RSF1: variants seen among roughly 807,000 people sequenced by gnomAD.
RSF1 encodes the protein HBV pX-associated protein 8.
RSF1 carries 13 observed loss-of-function variants against 145.2 expected under a neutral mutation model. The observed-to-expected ratio is 0.09, with a 90% confidence interval of 0.06 to 0.14. RSF1 has a LOEUF of 0.14. Among genes scored for constraint, RSF1 ranks in the 10% least tolerant of loss-of-function variants. The pLI is 1.00. For synonymous variants in RSF1, 577 were observed against 592.6 expected (o/e 0.97, Z 0.38); for missense variants, 1,517 against 1,718.2 (o/e 0.88, Z 2.07).
At chr11:77,744,079 A>G (rs1277474257) in intron 3 of RSF1, among the ~76,000 whole-genome samples, 1 of 152,158 alleles carries the variant, frequency 6.6e-6, no homozygotes, top group Non-Finnish European at 1.5e-5. Context: ...CCCAGGCTAG[A>G]GTGCAGTGGT....
At chr11:77,786,835 T>C (rs1017404554) in intron 1 of RSF1, among the ~76,000 whole-genome samples, 3 of 152,106 alleles carry the variant, frequency 2.0e-5, no homozygotes, top group South Asian at 4.1e-4. Context: ...TATATGAAAC[T>C]AGACACTCAA....
At chr11:77,715,266 A>T (rs1036844395) in intron 5 of RSF1, among the ~76,000 whole-genome samples, 1 of 152,154 alleles carries the variant, frequency 6.6e-6, no homozygotes, top group Non-Finnish European at 1.5e-5. Context: ...ACGTCAATGT[A>T]TTTCCTGTCA....
At chr11:77,830,627 C>T in the RSF1 span, among the ~76,000 whole-genome samples, 89 of 152,120 alleles carry the variant, frequency 5.9e-4, no homozygotes, top group African/African-American at 2.0e-3. Context: ...TTTATTCCCG[C>T]GTTTGCCCCC....
At chr11:77,796,258 TCAATA>T (rs1371885010) in intron 1 of RSF1, among the ~76,000 whole-genome samples, 1 of 152,160 alleles carries the variant, frequency 6.6e-6, no homozygotes, top group Admixed American at 6.5e-5. Context: ...GTGAAAATCC[TCAATA>T]CAATATTGGC....
chr11:77,755,922 C>T (rs948924303), intron 2 of RSF1, among the ~76,000 whole-genome samples: 1 of 152,062 alleles, frequency 6.6e-6, no homozygotes, highest in Non-Finnish European at 1.5e-5. Context: ...ATATTCATAT[C>T]CCTTGACAAA....
At chr11:77,747,802 G>C (rs1948017530) in intron 2 of RSF1, among the ~76,000 whole-genome samples, 1 of 152,182 alleles carries the variant, frequency 6.6e-6, no homozygotes, top group Non-Finnish European at 1.5e-5. Context: ...AAGCCAGTAA[G>C]GGAGGTTAAC....
At chr11:77,869,359 A>AC in the RSF1 span, among the ~76,000 whole-genome samples, 1 of 128,714 alleles carries the variant, frequency 7.8e-6, no homozygotes, top group African/African-American at 3.1e-5. Flanking sequence ...GTTGCCCAGG[A>AC]TGGAGTGCAG....
chr11:77,779,623 C>G lies in RSF1; in HGVS notation c.188-14934G>C, dbSNP rs570471505. On this transcript the variant is annotated intron_variant, in intron 1 of 15. Coordinates refer to ENST00000308488, the MANE Select transcript of RSF1 (RefSeq NM_016578.4). Reference sequence around the variant, plus strand: ...TCTCGAACTCTTGACCTCAGGTGATCTGCCCACCTCAGCCTGGGATTACAG... The same window carrying G: ...TCTCGAACTCTTGACCTCAGGTGATGTGCCCACCTCAGCCTGGGATTACAG... Among the ~76,000 whole-genome samples, 23 of 152,260 alleles carry G rather than the reference C, an allele frequency of 1.5e-4. No individual in the cohort carries two copies. In the South Asian group the frequency reaches 4.8e-3, roughly 32 times the overall value.
rs922221738 is a variant in RSF1, at chr11:77,665,214, A to C, written c.*1703T>G. On this transcript the variant is annotated 3_prime_UTR_variant, in exon 16 of 16. Transcript: ENST00000308488. The stretch of plus-strand genomic sequence containing the variant: ...AATCTAATGCCAGCTTTTTAGTAAT[A>C]AAAAAGAGAAGTGCTTTACTATACA... 7 of 152,320 alleles carry C rather than the reference A, an allele frequency of 4.6e-5. No individual in the cohort carries two copies. The highest frequency in any genetic ancestry group is 1.7e-4 in the African/African-American group (7 of 41,572). The allele number at this position is 152,320 out of a possible 1,614,324, so 9.4% of individuals were successfully genotyped here.
At chr11:77,788,142 CAAAAAAAAAAAAAA>C (rs66595170) in intron 1 of RSF1, among the ~76,000 whole-genome samples, 131 of 3,404 alleles carry the variant, frequency 0.038, no homozygotes, top group African/African-American at 0.047. Context: ...GACACTATCT[CAAAAAAAAAAAAAA>C]AAAAAAAAAA....
chr11:77,678,149 C>T lies in RSF1; in HGVS notation c.3070G>A (p.Asp1024Asn). ...TCATCAATTGCTTCATCAAACTCAT[C>T]AAATCTAAAATATACACAATGATCA... ...RTRKCISYRFDEFDEAIDEAI... is the reference protein window; with the variant it reads ...RTRKCISYRFNEFDEAIDEAI... Residue 1024 changes from aspartate (D) to asparagine (N), a missense_variant, in exon 12 of 16, where the codon GAT becomes AAT. Physicochemically the swap from Asp to Asn is conservative, Grantham distance 23 (BLOSUM62 1). Coordinates refer to ENST00000308488, the MANE Select transcript of RSF1 (RefSeq NM_016578.4). 6.4e-7 allele frequency: 1 copy of T among 1,573,144 alleles called. No individual in the cohort carries two copies. The highest frequency in any genetic ancestry group is 8.7e-7 in the Non-Finnish European group (1 of 1,147,872).
the RSF1 span, among the ~76,000 whole-genome samples, chr11:77,841,669 C>G: frequency 2.0e-5 from 3 of 152,128 alleles, no homozygotes; most frequent in African/African-American, 7.2e-5. Context: ...GTCTATCTTC[C>G]AAATCTTTGA....
In RSF1 at chr11:77,701,680, T is replaced by C. The variant is rs759507520; in HGVS notation, c.1549A>G (p.Ile517Val). The C allele has an allele frequency of 1.2e-6, 2 of 1,614,070 alleles. No homozygotes were observed. The highest frequency in any genetic ancestry group is 1.7e-6 in the Non-Finnish European group (2 of 1,179,988). ...APLRKDADSS[I>V]SVLEIHSQKA... ...TGACTATGGATCTCTAAGACTGATA[T>C]TGAACTATCTGCATCTTTCCTCAAA... The change falls in exon 6 of 16, where the codon ATA (isoleucine) becomes GTA (valine). Residue 517 changes from isoleucine (I) to valine (V), a missense_variant. Ile to Val is a conservative substitution (Grantham distance 29). Coordinates refer to ENST00000308488, the MANE Select transcript of RSF1 (RefSeq NM_016578.4).
intron 1 of RSF1, among the ~76,000 whole-genome samples, chr11:77,792,724 T>C (rs2135968324): frequency 6.7e-6 from 1 of 149,638 alleles, no homozygotes; most frequent in Admixed American, 6.7e-5. Context: ...TGTAATGACA[T>C]ATTCAAAGGT....
intron 4 of RSF1, among the ~76,000 whole-genome samples, chr11:77,737,419 C>G (rs1457587642): frequency 6.6e-6 from 1 of 151,124 alleles, no homozygotes; most frequent in East Asian, 1.9e-4. Flanking sequence ...CTGCACTCCA[C>G]ACTGCAGCCT....
chr11:77,793,596 T>C (rs1315757433), intron 1 of RSF1, among the ~76,000 whole-genome samples: 1 of 152,102 alleles, frequency 6.6e-6, no homozygotes, highest in African/African-American at 2.4e-5. Context: ...TCCACACAGA[T>C]GAAAACCAAA....
the RSF1 span, among the ~76,000 whole-genome samples, chr11:77,843,037 G>A: frequency 4.6e-5 from 7 of 152,128 alleles, no homozygotes; most frequent in African/African-American, 1.7e-4. Context: ...TCTTAGGTGT[G>A]TTCCTAGGAG....
chr11:77,799,158 A>C (rs1162980925), intron 1 of RSF1, among the ~76,000 whole-genome samples: 1 of 152,006 alleles, frequency 6.6e-6, no homozygotes, highest in Non-Finnish European at 1.5e-5. Context: ...AATATACAAG[A>C]AACTCAAACT....
At chr11:77,824,354 A>G (rs1226494975), upstream of RSF1, among the ~76,000 whole-genome samples, 1 of 152,270 alleles carries the variant, frequency 6.6e-6, no homozygotes, top group Non-Finnish European at 1.5e-5. Context: ...TTAAATAAGC[A>G]TTAAGTTACA....
Sources: gnomAD v4.1 joint callset for allele counts (sites outside exome capture counted in the v4.1 genomes callset) on GRCh38, gnomAD v4.1.1 for gene constraint, MANE v1.5 for transcripts, NCBI Gene and HGNC (gene_info 2026-07-23, HGNC 2026-07-21) for gene names.